The following CD47 variants were observed in gnomAD, a reference collection of about 807,000 sequenced individuals.
The protein encoded by CD47 is CD47 molecule, also known as leukocyte surface antigen CD47.
Under a neutral mutation model 44.6 loss-of-function variants are expected in CD47, and 11 were observed. The observed-to-expected ratio is 0.25, with a 90% CI of 0.16 to 0.41. CD47 has a LOEUF of 0.41. Ranked by LOEUF, CD47 falls within the 10% of genes least tolerant of loss-of-function variation. CD47 has a pLI of 1.00. For missense variants in CD47, 306 were observed against 386.7 expected, an observed-to-expected ratio of 0.79 and a Z score of 1.75; for synonymous variants, 140 against 136.3, an observed-to-expected ratio of 1.03 and a Z score of -0.19.
intron 3 of CD47, among the ~76,000 whole-genome samples, chr3:108,069,487 T>C (rs2079159072): frequency 6.6e-6 from 1 of 150,498 alleles, no homozygotes. Context: ...ATAGTTTATT[T>C]CTAGGTTTGG....
At chr3:108,070,658 T>C (rs999402919) in intron 3 of CD47, among the ~76,000 whole-genome samples, 27 of 152,100 alleles carry the variant, frequency 1.8e-4, no homozygotes, top group African/African-American at 6.5e-4. Context: ...GGTGAACACG[T>C]GTACACAGAG....
chr3:108,079,527 C>CATG (rs2079373037), intron 2 of CD47, among the ~76,000 whole-genome samples: 1 of 127,574 alleles, frequency 7.8e-6, no homozygotes, highest in South Asian at 2.5e-4. Context: ...CCAGAGGGAG[C>CATG]ATGGCTGGGA....
chr3:108,048,664 G>A (rs1040976397), intron 10 of CD47, among the ~76,000 whole-genome samples: 1 of 152,006 alleles, frequency 6.6e-6, no homozygotes. Flanking sequence ...GATTACAGGC[G>A]TGAGCCACCG....
rs538886735 is a variant in CD47, at chr3:108,044,399, A to C, written c.*2889T>G. 2.2e-5 allele frequency: 3 copies of C among 135,640 alleles called. No homozygotes were observed. In the South Asian group the frequency reaches 7.3e-4, roughly 33 times the overall value. 8.4% of individuals were successfully genotyped at this position (135,640 alleles called of 1,614,324 possible). A position where few individuals can be genotyped will look rare whatever the true frequency, so the allele number is the denominator to read the frequency against. ...AATAATCACCTTTGAAGGTTTTTAGAGCATGTGAAATTAGTCAAAAAAAAA... is the reference window on the plus strand; with the variant it reads ...AATAATCACCTTTGAAGGTTTTTAGCGCATGTGAAATTAGTCAAAAAAAAA... On this transcript the variant is annotated 3_prime_UTR_variant, in exon 11 of 11. Transcript: ENST00000361309.
Position 108,047,216 on chromosome 3 carries a change from G to C in CD47, c.*72C>G. On this transcript the variant is annotated 3_prime_UTR_variant, in exon 11 of 11. Coordinates refer to ENST00000361309, the MANE Select transcript of CD47 (RefSeq NM_001777.4). ...CCCAACAGTGAATCATCAAGGCCAT[G>C]GTGCTTAAACACAAGTGTATTCCTT... 1 of 1,275,588 alleles carries C rather than the reference G, an allele frequency of 7.8e-7. No homozygotes were observed. Among genetic ancestry groups the C allele is most frequent in the African/African-American group, 1.5e-5 (1 of 67,698 alleles). The allele number at this position is 1,275,588 out of a possible 1,614,324, so 79.0% of individuals were successfully genotyped here. A position where few individuals can be genotyped will look rare whatever the true frequency, so the allele number is the denominator to read the frequency against.
rs752719959 is a variant in CD47, at chr3:108,047,295, G to A, written c.968-3C>T. On this transcript the variant is annotated splice_polypyrimidine_tract_variant and splice_region_variant and intron_variant, in intron 10 of 10. Transcript: ENST00000361309. ...TCCATCACTTCACTTCAGTTATTCT[G>A]GAAAATTGAAAAATGAACACATAAT... 2 of 1,603,194 alleles carry A rather than the reference G, an allele frequency of 1.2e-6. No homozygotes were observed. Among genetic ancestry groups the A allele is most frequent in the Admixed American group, 3.4e-5 (2 of 59,414 alleles).
chr3:108,087,571 CT>C (rs1241680041), intron 1 of CD47, among the ~76,000 whole-genome samples: 1 of 152,128 alleles, frequency 6.6e-6, no homozygotes, highest in Non-Finnish European at 1.5e-5. Context: ...CCAAAGAGGG[CT>C]TTGCAAACTG....
chr3:108,074,596 G>T (rs139175466), intron 2 of CD47, among the ~76,000 whole-genome samples: 5,747 of 151,692 alleles, frequency 0.038, 126 homozygotes, highest in African/African-American at 0.064. Context: ...TTACAGGCGT[G>T]GGCTGCCACA....
chr3:108,075,869 G>A (rs2079301467), intron 2 of CD47, among the ~76,000 whole-genome samples: 1 of 152,114 alleles, frequency 6.6e-6, no homozygotes, highest in Admixed American at 6.6e-5. Flanking sequence ...TATGTGAGAG[G>A]GATTCAACAA....
chr3:108,085,255 A>G (rs2079497413), intron 1 of CD47, among the ~76,000 whole-genome samples: 1 of 152,094 alleles, frequency 6.6e-6, no homozygotes, highest in Non-Finnish European at 1.5e-5. Flanking sequence ...CCCACTGAGT[A>G]CATAGGGTGT....
chr3:108,076,000 A>C (rs2079304191), intron 2 of CD47, among the ~76,000 whole-genome samples: 1 of 152,234 alleles, frequency 6.6e-6, no homozygotes, highest in African/African-American at 2.4e-5. Flanking sequence ...CAGGGACCCC[A>C]GTCTTACAAT....
chr3:108,082,351 TG>T (rs764880586), intron 1 of CD47, among the ~76,000 whole-genome samples: 9 of 151,998 alleles, frequency 5.9e-5, no homozygotes, highest in Non-Finnish European at 1.0e-4. Flanking sequence ...GTTCTGCAAT[TG>T]ATTTCCACCT....
At position 108,044,306 on chromosome 3, in the gene CD47, G is replaced by A. The variant is rs2078678251; in HGVS notation, c.*2982C>T. On this transcript the variant is annotated 3_prime_UTR_variant, in exon 11 of 11. Coordinates refer to ENST00000361309, the MANE Select transcript of CD47 (RefSeq NM_001777.4). Reference sequence around the variant, plus strand: ...AAGAAATATTTCCAATTACGGGATAGCCCTGTTATTTTAATTCTGACATTC... The same window carrying A: ...AAGAAATATTTCCAATTACGGGATAACCCTGTTATTTTAATTCTGACATTC... 2 of 151,682 alleles carry A rather than the reference G, an allele frequency of 1.3e-5. No homozygotes were observed. The allele number at this position is 151,682 out of a possible 1,614,324, so 9.4% of individuals were successfully genotyped here. A position where few individuals can be genotyped will look rare whatever the true frequency, so the allele number is the denominator to read the frequency against.
chr3:108,091,025 A>T lies in CD47; in HGVS notation c.-117T>A, dbSNP rs1030613116. ...GCGTCACAGGCAGGACCCACTGCCC[A>T]GGCTGCACGGCCGCGCGCACGCGCG... On this transcript the variant is annotated 5_prime_UTR_variant, in exon 1 of 11. Transcript: ENST00000361309. The T allele has an allele frequency of 3.3e-5, 20 of 599,226 alleles. No individual in the cohort carries two copies. The highest frequency in any genetic ancestry group is 2.9e-4 in the African/African-American group (15 of 51,028). The allele number at this position is 599,226 out of a possible 1,614,324, so 37.1% of individuals were successfully genotyped here.
chr3:108,081,256 T>C (rs2108267455), intron 1 of CD47, among the ~76,000 whole-genome samples: 1 of 152,142 alleles, frequency 6.6e-6, no homozygotes, highest in South Asian at 2.1e-4. Context: ...CACTCATTGT[T>C]CAACTAAAAT....
intron 8 of CD47, chr3:108,050,803 T>C (rs1384618113): frequency 2.0e-6 from 1 of 506,864 alleles, no homozygotes; most frequent in Non-Finnish European, 3.7e-6. Flanking sequence ...AGTTTAATAA[T>C]AACTGTATTA....
At chr3:108,073,316 A>G (rs2079245526) in intron 2 of CD47, among the ~76,000 whole-genome samples, 1 of 152,114 alleles carries the variant, frequency 6.6e-6, no homozygotes, top group Admixed American at 6.6e-5. Context: ...TAAGAGGTGC[A>G]TTCGATCCTG....
chr3:108,045,326 A>G lies in CD47; in HGVS notation c.*1962T>C, dbSNP rs1477702584. 1 of 152,624 alleles carries G rather than the reference A, an allele frequency of 6.6e-6. No homozygotes were observed. Among genetic ancestry groups the G allele is most frequent in the Non-Finnish European group, 1.5e-5 (1 of 68,036 alleles). 9.5% of individuals were successfully genotyped at this position (152,624 alleles called of 1,614,324 possible). A position where few individuals can be genotyped will look rare whatever the true frequency, so the allele number is the denominator to read the frequency against. On this transcript the variant is annotated 3_prime_UTR_variant, in exon 11 of 11. Coordinates refer to ENST00000361309, the MANE Select transcript of CD47 (RefSeq NM_001777.4). ...AGGAGCTTGGATCTTTTTCAAGTCC[A>G]TCTGCTTTTCCCTCCTTTCATCAAA...
Position 108,050,571 on chromosome 3 carries a change from C to T in CD47, c.934+7G>A. On this transcript the variant is annotated splice_region_variant and intron_variant, in intron 9 of 10. Transcript: ENST00000361309. ...GGTAAAGGATTAAGAGTGAAATAAC[C>T]ACATACCATTAAGGGGTTCCTCTAC... 8.3e-7 allele frequency: 1 copy of T among 1,211,386 alleles called. No individual in the cohort carries two copies. 75.0% of individuals were successfully genotyped at this position (1,211,386 alleles called of 1,614,324 possible). A position where few individuals can be genotyped will look rare whatever the true frequency, so the allele number is the denominator to read the frequency against.
Sources: gnomAD v4.1 joint callset for allele counts (sites outside exome capture counted in the v4.1 genomes callset) on GRCh38, gnomAD v4.1.1 for gene constraint, MANE v1.5 for transcripts, NCBI Gene and HGNC (gene_info 2026-07-23, HGNC 2026-07-21) for gene names.